Variants in ANK3 observed in about 807,000 individuals in gnomAD.
ANK3 encodes ankyrin 3, also known as ankyrin-3.
Under a neutral mutation model 370.9 loss-of-function variants are expected in ANK3, and 57 were observed. The observed-to-expected ratio is 0.15, with a 90% CI of 0.12 to 0.19. ANK3 has a LOEUF of 0.19. Ranked by LOEUF, ANK3 falls within the 10% of genes least tolerant of loss-of-function variation. ANK3 has a pLI of 1.00. For missense variants in ANK3, 4,439 were observed against 5,302.1 expected (o/e 0.84, Z 5.06); for synonymous variants, 1,929 against 1,946.3 (o/e 0.99, Z 0.23).
At chr10:60,579,015 G>GA (rs1034627145) in intron 2 of ANK3, among the ~76,000 whole-genome samples, 76 of 150,884 alleles carry the variant, frequency 5.0e-4, no homozygotes, top group Non-Finnish European at 6.2e-4. Context: ...AGGAACAGGA[G>GA]AAAAAAAAAT....
chr10:60,492,427 G>A lies in ANK3; in HGVS notation c.96+122759C>T, dbSNP rs151093795. On this transcript the variant is annotated intron_variant, in intron 2 of 43. Coordinates refer to the ANK3 transcript ENST00000373827. ...ACACTGTCAGAAATGGCACCGTGGG[G>A]CTGGGCACAGTGGCTCACACCTGTA... Among the ~76,000 whole-genome samples, 1,055 of 152,202 alleles carry A rather than the reference G, an allele frequency of 6.9e-3. 7 individuals are homozygous for A. The highest frequency in any genetic ancestry group is 0.024 in the African/African-American group (997 of 41,534).
intron 2 of ANK3, among the ~76,000 whole-genome samples, chr10:60,423,384 A>C (rs1277070750): frequency 1.3e-5 from 2 of 151,844 alleles, no homozygotes; most frequent in Non-Finnish European, 2.9e-5. Context: ...GAGGTAGGGC[A>C]GTCTGGAATA....
intron 1 of ANK3, among the ~76,000 whole-genome samples, chr10:60,721,622 G>T (rs1442539): frequency 0.31 from 47,272 of 151,948 alleles, 7,651 homozygotes; most frequent in South Asian, 0.48. Flanking sequence ...AAAATGATTT[G>T]TACTTCATTC....
intron 1 of ANK3, among the ~76,000 whole-genome samples, chr10:60,345,730 G>A (rs930345183): frequency 5.3e-5 from 8 of 152,084 alleles, no homozygotes; most frequent in African/African-American, 1.7e-4. Context: ...CATTCTTGGA[G>A]AATATATTCA....
At chr10:60,393,463 A>T (rs1048430754), upstream of ANK3, among the ~76,000 whole-genome samples, 2 of 152,214 alleles carry the variant, frequency 1.3e-5, no homozygotes, top group Non-Finnish European at 2.9e-5. Flanking sequence ...TGAATCTTCT[A>T]TAAAAACAAT....
rs889520646 is a variant in ANK3 at position 60,731,099 on chromosome 10, G to A, written c.57+2164C>T. Among the ~76,000 whole-genome samples, 4 of 152,070 alleles carry A rather than the reference G, an allele frequency of 2.6e-5. No individual in the cohort carries two copies. The East Asian group carries it at 7.7e-4, about 29-fold the overall frequency. ...AAAATGAATAACTTTAAATAAAGAA[G>A]TAATTAATTGGAGATTAACCTGGGG... On this transcript the variant is annotated intron_variant, in intron 1 of 43. Coordinates refer to the ANK3 transcript ENST00000373827.
rs1266079762 is a variant in ANK3 at position 60,073,338 on chromosome 10, G to A, written c.7543C>T (p.Leu2515Phe). Residue 2515 changes from leucine (L) to phenylalanine (F), a missense_variant, in exon 37 of 44, where the codon CTC becomes TTC. Transcript: ENST00000280772. ...KIATAPKKEI[L>F]SKIYKDVSEN... ...GAAACATCTTTATAGATTTTGGAGAGAATTTCTTTTTTGGGGGCAGTGGCT... is the reference window on the plus strand; with the variant it reads ...GAAACATCTTTATAGATTTTGGAGAAAATTTCTTTTTTGGGGGCAGTGGCT... 6.2e-7 allele frequency: 1 copy of A among 1,613,946 alleles called. No homozygotes were observed. Among genetic ancestry groups the A allele is most frequent in the Non-Finnish European group, 8.5e-7 (1 of 1,180,014 alleles).
At chr10:60,641,570 C>T (rs1299764637) in intron 1 of ANK3, among the ~76,000 whole-genome samples, 1 of 151,698 alleles carries the variant, frequency 6.6e-6, no homozygotes, top group Non-Finnish European at 1.5e-5. Flanking sequence ...GGAAAACTGG[C>T]TAGCCATATG....
intron 1 of ANK3, among the ~76,000 whole-genome samples, chr10:60,335,675 C>T (rs1444243369): frequency 6.6e-6 from 1 of 152,198 alleles, no homozygotes; most frequent in Non-Finnish European, 1.5e-5. Flanking sequence ...TCGGTCTTGA[C>T]TTAAAAACTA....
chr10:60,710,448 G>A (rs1275817742), intron 1 of ANK3, among the ~76,000 whole-genome samples: 2 of 152,140 alleles, frequency 1.3e-5, no homozygotes, highest in East Asian at 1.9e-4. Flanking sequence ...TTATAATAGA[G>A]TTTCCTATAT....
chr10:60,113,673 G>A (rs565302514), intron 26 of ANK3, among the ~76,000 whole-genome samples: 1 of 152,254 alleles, frequency 6.6e-6, no homozygotes, highest in South Asian at 2.1e-4. Context: ...CTGCACCACT[G>A]CACTCCAGCC....
In ANK3 at chr10:60,026,692, G is replaced by GC. The variant is rs2072419791; in HGVS notation, c.*3153dup. ...CTTATTTACAGAGGAAAGGAGGCTAGCTGCTTATGTGTTCAATGAAGTAAT... is the reference window on the plus strand; with the variant it reads ...CTTATTTACAGAGGAAAGGAGGCTAGCCTGCTTATGTGTTCAATGAAGTAAT... On this transcript the variant is annotated 3_prime_UTR_variant, in exon 44 of 44. Coordinates refer to ENST00000280772, the MANE Select transcript of ANK3 (RefSeq NM_020987.5). The GC allele has an allele frequency of 6.6e-6, 1 of 152,188 alleles. No homozygotes were observed. The allele number at this position is 152,188 out of a possible 1,614,324, so 9.4% of individuals were successfully genotyped here. A position where few individuals can be genotyped will look rare whatever the true frequency, so the allele number is the denominator to read the frequency against.
chr10:60,324,300 G>T lies in ANK3; in HGVS notation c.115-44661C>A, dbSNP rs566628920. Reference sequence around the variant, plus strand: ...AAGTGGAAGGTGAATATGTGTGGCAGCAGGGACTTATTAGTACCATCATTA... The same window carrying T: ...AAGTGGAAGGTGAATATGTGTGGCATCAGGGACTTATTAGTACCATCATTA... On this transcript the variant is annotated intron_variant, in intron 1 of 43. Transcript: ENST00000280772. Among the ~76,000 whole-genome samples the T allele has an allele frequency of 3.9e-5, 6 of 152,344 alleles. No individual in the cohort carries two copies. The South Asian group carries it at 6.2e-4, about 16-fold the overall frequency.
intron 2 of ANK3, among the ~76,000 whole-genome samples, chr10:60,543,911 T>A (rs1217069570): frequency 6.9e-6 from 1 of 145,772 alleles, no homozygotes; most frequent in East Asian, 2.1e-4. Context: ...GACATAGAGT[T>A]TATGCTTCAA....
At chr10:60,717,394 A>G (rs1288084760) in intron 1 of ANK3, among the ~76,000 whole-genome samples, 1 of 152,200 alleles carries the variant, frequency 6.6e-6, no homozygotes, top group East Asian at 1.9e-4. Context: ...GGCAGAGTCT[A>G]GTGTAGACAC....
At chr10:60,261,496 C>T (rs561276944) in intron 7 of ANK3, among the ~76,000 whole-genome samples, 1 of 152,314 alleles carries the variant, frequency 6.6e-6, no homozygotes, top group South Asian at 2.1e-4. Flanking sequence ...AAGGTCAAGA[C>T]CCTGATCTCT....
At chr10:60,267,311 CTGT>C (rs949489436) in intron 5 of ANK3, among the ~76,000 whole-genome samples, 13 of 152,090 alleles carry the variant, frequency 8.5e-5, no homozygotes, top group Middle Eastern at 6.8e-3. Context: ...GTCTTATTTC[CTGT>C]TGTTGTTCTT....
intron 2 of ANK3, among the ~76,000 whole-genome samples, chr10:60,595,772 A>T (rs921279858): frequency 6.6e-6 from 1 of 152,194 alleles, no homozygotes; most frequent in African/African-American, 2.4e-5. Context: ...TTTGCCTGCA[A>T]CCAGGAATGA....
At chr10:60,295,030 C>A (rs1327744546) in intron 1 of ANK3, among the ~76,000 whole-genome samples, 1 of 152,134 alleles carries the variant, frequency 6.6e-6, no homozygotes, top group African/African-American at 2.4e-5. Context: ...GTAGTTATAA[C>A]ATGGAAGGTG....
Sources: gnomAD v4.1 joint callset for allele counts (sites outside exome capture counted in the v4.1 genomes callset) on GRCh38, gnomAD v4.1.1 for gene constraint, MANE v1.5 for transcripts, NCBI Gene and HGNC (gene_info 2026-07-23, HGNC 2026-07-21) for gene names.